Variants in TTLL6 observed in about 807,000 individuals in gnomAD.
TTLL6 encodes tubulin polyglutamylase TTLL6.
Under a neutral mutation model 96.4 loss-of-function variants are expected in TTLL6, and 75 were observed. The observed-to-expected ratio is 0.78, with a 90% CI of 0.65 to 0.94. The LOEUF is 0.94. Ranked by LOEUF, TTLL6 falls within the 40% of genes least tolerant of loss-of-function variation. The pLI is 0.00. For missense variants in TTLL6, 1,030 were observed against 1,093.0 expected, an observed-to-expected ratio of 0.94 and a Z score of 0.81; for synonymous variants, 411 against 419.4, an observed-to-expected ratio of 0.98 and a Z score of 0.24.
chr17:48,776,978 T>C (rs2038884631), intron 13 of TTLL6, among the ~76,000 whole-genome samples: 2 of 148,118 alleles, frequency 1.4e-5, no homozygotes, highest in African/African-American at 5.0e-5. Context: ...ATAGGTTCAG[T>C]AATCAAGACA....
intron 13 of TTLL6, among the ~76,000 whole-genome samples, chr17:48,783,808 T>C (rs1233073890): frequency 6.6e-6 from 1 of 152,224 alleles, no homozygotes; most frequent in African/African-American, 2.4e-5. Flanking sequence ...AGTATAAAGA[T>C]TTTATGTCTG....
In TTLL6 at chr17:48,769,723, C is replaced by G. The variant is rs1359907562; in HGVS notation, c.2410+5G>C. ...TGGCACATCCCTGTACACACTGGCA[C>G]TCACGTGACAGGTTATTCATCCCCA... On this transcript the variant is annotated splice_donor_5th_base_variant and intron_variant, in intron 14 of 15. Transcript: ENST00000393382. The G allele has an allele frequency of 2.5e-6, 4 of 1,613,044 alleles. No individual in the cohort carries two copies. Among genetic ancestry groups the G allele is most frequent in the Non-Finnish European group, 3.4e-6 (4 of 1,179,498 alleles).
chr17:48,776,004 G>A (rs1597966157), intron 13 of TTLL6, among the ~76,000 whole-genome samples: 2 of 152,132 alleles, frequency 1.3e-5, no homozygotes, highest in South Asian at 2.1e-4. Flanking sequence ...AAAGATGTTC[G>A]CTGTTTCCAC....
Position 48,817,085 on chromosome 17 carries a change from A to G in TTLL6, c.-13T>C. The G allele has an allele frequency of 6.5e-7, 1 of 1,536,774 alleles. No homozygotes were observed. Among genetic ancestry groups the G allele is most frequent in the African/African-American group, 1.4e-5 (1 of 72,630 alleles). On this transcript the variant is annotated 5_prime_UTR_variant, in exon 1 of 16. Transcript: ENST00000393382. Reference sequence around the variant, plus strand: ...GTAACGCTCCCATTGGCTGCCAGACAGCCCCAACCCCAACCCGCGCTCGCC... The same window carrying G: ...GTAACGCTCCCATTGGCTGCCAGACGGCCCCAACCCCAACCCGCGCTCGCC...
Position 48,762,716 on chromosome 17 carries a change from G to T in TTLL6, c.*258C>A. 3.6e-6 allele frequency: 1 copy of T among 277,370 alleles called. No homozygotes were observed. Among genetic ancestry groups the T allele is most frequent in the Admixed American group, 5.1e-5 (1 of 19,800 alleles). The allele number at this position is 277,370 out of a possible 1,614,324, so 17.2% of individuals were successfully genotyped here. On this transcript the variant is annotated 3_prime_UTR_variant, in exon 16 of 16. Transcript: ENST00000393382. ...GAGAAGTGCCACTGGTACGGCAACT[G>T]GAGTGTGTCCTGGGGCAGCACCAAT...
chr17:48,764,637 G>A (rs553423870), intron 15 of TTLL6, among the ~76,000 whole-genome samples: 2 of 152,056 alleles, frequency 1.3e-5, no homozygotes, highest in South Asian at 4.2e-4. Flanking sequence ...ATTATTTATT[G>A]TGCAGAAGCC....
At chr17:48,773,487 TA>T (rs1210441403) in intron 13 of TTLL6, among the ~76,000 whole-genome samples, 4 of 152,118 alleles carry the variant, frequency 2.6e-5, no homozygotes, top group African/African-American at 9.6e-5. Context: ...TTTGACAAGC[TA>T]AGGCAGGTGG....
chr17:48,763,294 C>A (rs2038525315), intron 15 of TTLL6, among the ~76,000 whole-genome samples: 1 of 152,144 alleles, frequency 6.6e-6, no homozygotes, highest in Non-Finnish European at 1.5e-5. Context: ...TGGAAAGAGA[C>A]AACAACAATG....
chr17:48,816,426 TAGAG>T (rs1245574707), intron 1 of TTLL6, among the ~76,000 whole-genome samples: 1 of 152,202 alleles, frequency 6.6e-6, no homozygotes, highest in South Asian at 2.1e-4. Flanking sequence ...ATATTTTTCC[TAGAG>T]TTCAAATCCC....
intron 15 of TTLL6, 110 bp downstream of exon 15, chr17:48,768,879 C>T: frequency 2.6e-6 from 3 of 1,164,074 alleles, no homozygotes; most frequent in Admixed American, 1.9e-5. Context: ...TGTCTACTTA[C>T]CTGTATGTCT....
chr17:48,794,314 G>C (rs2039281957), intron 8 of TTLL6: 2 of 1,608,932 alleles, frequency 1.2e-6, no homozygotes, highest in African/African-American at 2.7e-5. Context: ...TCCATTCTGT[G>C]CCCTTAGACT....
intron 13 of TTLL6, among the ~76,000 whole-genome samples, chr17:48,782,820 T>C (rs1269198364): frequency 6.6e-6 from 1 of 152,094 alleles, no homozygotes; most frequent in Non-Finnish European, 1.5e-5. Flanking sequence ...TTCAAGTGAT[T>C]CTTCCGCCTC....
At position 48,780,345 on chromosome 17, in the gene TTLL6, C is replaced by T. The variant is rs139774634; in HGVS notation, c.2040+4578G>A. ...ACAGATGGGAGCCACTGCGCCCAGA[C>T]TCTACTTTAAAAAATCCATTCTTTA... On this transcript the variant is annotated intron_variant, in intron 13 of 15. Coordinates refer to ENST00000393382, the MANE Select transcript of TTLL6 (RefSeq NM_001130918.3). Among the ~76,000 whole-genome samples the T allele has an allele frequency of 2.5e-3, 375 of 152,180 alleles. 4 individuals carry two copies. The highest frequency in any genetic ancestry group is 8.7e-3 in the African/African-American group (362 of 41,518).
At chr17:48,800,755 G>GT (rs1466178128) in intron 5 of TTLL6, among the ~76,000 whole-genome samples, 3 of 152,052 alleles carry the variant, frequency 2.0e-5, no homozygotes, top group Admixed American at 2.0e-4. Flanking sequence ...CGGTGGTGTG[G>GT]TCCAGAGTAC....
chr17:48,804,053 G>C, intron 2 of TTLL6, 125 bp from the exon 3 acceptor site: 1 of 1,109,008 alleles, frequency 9.0e-7, no homozygotes, highest in East Asian at 2.6e-5. Context: ...TGCTAAGCCT[G>C]GTTTGACCGT....
chr17:48,789,346 C>G (rs1006125797), intron 10 of TTLL6, among the ~76,000 whole-genome samples: 12 of 152,190 alleles, frequency 7.9e-5, no homozygotes, highest in Non-Finnish European at 1.3e-4. Flanking sequence ...CCCTCCAACT[C>G]CAGGCAAGAT....
chr17:48,795,102 A>T (rs188731962), intron 8 of TTLL6, among the ~76,000 whole-genome samples: 2 of 152,136 alleles, frequency 1.3e-5, no homozygotes, highest in Non-Finnish European at 2.9e-5. Context: ...CTGAGGTGGG[A>T]AGATCACGAG....
In TTLL6 at chr17:48,790,089, G is replaced by A; in HGVS notation, c.1242C>T (p.Ser414=). ...TATCCAACCGAGAGTCGGTGGAGAA[G>A]CTTGGAGAGTGGTTGACCTGTGAGG... ...PWLLEVNHSP[S]FSTDSRLDKE... The change falls in exon 10 of 16, where the codon AGC becomes AGT. Residue 414 remains serine (S), a synonymous_variant. Coordinates refer to ENST00000393382, the MANE Select transcript of TTLL6 (RefSeq NM_001130918.3). 6.2e-7 allele frequency: 1 copy of A among 1,613,748 alleles called. No homozygotes were observed. Among genetic ancestry groups the A allele is most frequent in the Non-Finnish European group, 8.5e-7 (1 of 1,179,872 alleles).
At chr17:48,795,565 C>T (rs945520512) in intron 8 of TTLL6, among the ~76,000 whole-genome samples, 3 of 152,132 alleles carry the variant, frequency 2.0e-5, no homozygotes, top group African/African-American at 7.2e-5. Context: ...TCATGAACTG[C>T]TCTCAATTTC....
Sources: allele counts gnomAD v4.1 joint callset (sites outside exome capture counted in the v4.1 genomes callset), GRCh38; gene constraint gnomAD v4.1.1; transcripts MANE v1.5; gene names NCBI Gene and HGNC (gene_info 2026-07-23, HGNC 2026-07-21).